The following SLC33A2 variants were observed in gnomAD, a reference collection of about 807,000 sequenced individuals.
SLC33A2 encodes the protein major facilitator superfamily domain containing 3.
chr8:144,510,701 G>A, the SLC33A2 span: 1 of 1,573,028 alleles, frequency 6.4e-7, no homozygotes, highest in East Asian at 2.3e-5. Flanking sequence ...GGCCAGCATG[G>A]ACGCTGGCAC....
At chr8:144,510,082 G>A in the SLC33A2 span, 194 of 1,521,878 alleles carry the variant, frequency 1.3e-4, no homozygotes, top group Non-Finnish European at 2.3e-5. Flanking sequence ...TGTGTCCCCA[G>A]GGGCTTGCAA....
chr8:144,511,043 T>C, the SLC33A2 span: 1 of 1,605,168 alleles, frequency 6.2e-7, no homozygotes, highest in Non-Finnish European at 8.5e-7. Flanking sequence ...AAGCTGCTGC[T>C]GGGCACTCTG....
At chr8:144,509,205 T>G in the SLC33A2 span, 37 of 959,828 alleles carry the variant, frequency 3.9e-5, no homozygotes, top group Admixed American at 1.2e-3. Flanking sequence ...TGTACGACGC[T>G]GACTCTGCCC....
At chr8:144,509,669 C>T in the SLC33A2 span, 5 of 1,554,582 alleles carry the variant, frequency 3.2e-6, no homozygotes, top group Admixed American at 3.8e-5. Flanking sequence ...ACCTGGGTGC[C>T]GCCATGCAGG....
the SLC33A2 span, chr8:144,510,763 C>T: frequency 6.2e-7 from 1 of 1,609,502 alleles, no homozygotes. Flanking sequence ...GGGCCAGGAG[C>T]CTGGGGCACT....
the SLC33A2 span, chr8:144,509,527 C>A: frequency 6.6e-7 from 1 of 1,526,426 alleles, no homozygotes; most frequent in East Asian, 2.5e-5. Flanking sequence ...GCGCAGGGCT[C>A]GGCGAGGGCC....
At chr8:144,510,266 G>A in the SLC33A2 span, 695 of 1,551,326 alleles carry the variant, frequency 4.5e-4, no homozygotes, top group Non-Finnish European at 4.6e-4. Context: ...GGAACACTGA[G>A]GAGAGCAGGG....
At chr8:144,509,999 G>A in the SLC33A2 span, 40 of 1,595,736 alleles carry the variant, frequency 2.5e-5, no homozygotes, top group East Asian at 6.5e-4. Flanking sequence ...CAGGCTTTGT[G>A]CTCACCTACA....
At chr8:144,510,336 C>G in the SLC33A2 span, 1 of 1,610,112 alleles carries the variant, frequency 6.2e-7, no homozygotes, top group South Asian at 1.1e-5. Context: ...ACCTCCCGTG[C>G]TCATGCCCCC....
chr8:144,509,732 G>GCAATA, the SLC33A2 span: 1 of 1,568,762 alleles, frequency 6.4e-7, no homozygotes, highest in Non-Finnish European at 8.6e-7. Flanking sequence ...CCGAACTGGG[G>GCAATA]CCGGGCAATA....
chr8:144,509,167 C>T, the SLC33A2 span: 1 of 647,170 alleles, frequency 1.5e-6, no homozygotes, highest in Non-Finnish European at 2.4e-6. Context: ...GCTCCTAAAG[C>T]CCGAGAGCAC....
At chr8:144,509,718 C>T in the SLC33A2 span, 4 of 1,567,806 alleles carry the variant, frequency 2.6e-6, no homozygotes, top group Non-Finnish European at 3.4e-6. Context: ...GCTGCTGGAG[C>T]CGGCCGAACT....
the SLC33A2 span, chr8:144,510,736 C>T: frequency 6.2e-7 from 1 of 1,600,860 alleles, no homozygotes; most frequent in Non-Finnish European, 8.5e-7. Flanking sequence ...AGGGGCTGGC[C>T]TTGAGGAGGA....
At chr8:144,510,769 G>A in the SLC33A2 span, 2 of 1,610,190 alleles carry the variant, frequency 1.2e-6, no homozygotes, top group East Asian at 2.2e-5. Flanking sequence ...GGAGCCTGGG[G>A]CACTGCTGAC....
the SLC33A2 span, chr8:144,509,828 ACT>A: frequency 6.5e-6 from 10 of 1,537,822 alleles, no homozygotes; most frequent in Admixed American, 9.7e-5. Context: ...CGTGGCCGCA[ACT>A]CTTTCTGCTC....
the SLC33A2 span, chr8:144,510,276 G>T: frequency 6.4e-7 from 1 of 1,573,792 alleles, no homozygotes; most frequent in Non-Finnish European, 8.6e-7. Flanking sequence ...GGAGAGCAGG[G>T]CAGGACTGAG....
At chr8:144,509,853 T>A in the SLC33A2 span, 1 of 1,538,482 alleles carries the variant, frequency 6.5e-7, no homozygotes, top group South Asian at 1.2e-5. Flanking sequence ...GGCTGCCACC[T>A]ACTGGCTGGC....
At chr8:144,510,926 CAA>C in the SLC33A2 span, 223 of 1,601,190 alleles carry the variant, frequency 1.4e-4, no homozygotes, top group African/African-American at 2.4e-3. Context: ...AGCAGGGACA[CAA>C]GAGAGACCAC....
chr8:144,510,911 G>A, the SLC33A2 span: 36 of 1,603,346 alleles, frequency 2.2e-5, no homozygotes, highest in African/African-American at 3.1e-4. Context: ...CAGGTGAGTA[G>A]ATGTAGCAGG....
Sources: gnomAD v4.1 joint callset for allele counts on GRCh38, gnomAD v4.1.1 for gene constraint, MANE v1.5 for transcripts, NCBI Gene and HGNC (gene_info 2026-07-23, HGNC 2026-07-21) for gene names.